Variants in TMEM234 observed in about 807,000 individuals in gnomAD.
TMEM234 encodes the protein transmembrane protein 234.
A neutral mutation model predicts 17.8 loss-of-function variants in TMEM234; 21 were observed. The observed-to-expected ratio is 1.18, with a 90% CI of 0.84 to 1.70. The LOEUF (loss-of-function observed/expected upper bound fraction) is 1.70, where lower values mean the gene tolerates loss of function less well. TMEM234 is among the 40% of genes most tolerant of loss of function. The pLI is 0.00. For synonymous variants in TMEM234, 83 were observed against 73.5 expected (o/e 1.13, Z -0.66); for missense variants, 137 against 166.9 (o/e 0.82, Z 0.99).
At chr1:32,215,081 G>A, downstream of TMEM234, 1 of 1,164,490 alleles carries the variant, frequency 8.6e-7, no homozygotes, top group Non-Finnish European at 1.2e-6. Flanking sequence ...AAAGGAGTCT[G>A]AACCTACTGT....
chr1:32,221,069 C>A, intron 3 of TMEM234, 62 bp downstream of exon 3: 1 of 1,428,068 alleles, frequency 7.0e-7, no homozygotes, highest in South Asian at 1.2e-5. Context: ...ACCCCGCCCC[C>A]CCCAATCACT....
At chr1:32,215,758 C>A, downstream of TMEM234, 1 of 1,448,872 alleles carries the variant, frequency 6.9e-7, no homozygotes, top group Non-Finnish European at 9.4e-7. Flanking sequence ...TGGAGGCTGG[C>A]CATACTCACG....
Position 32,221,902 on chromosome 1 carries a change from G to C in TMEM234, c.133C>G (p.Leu45Val). Residue 45 changes from leucine to valine, a missense_variant, in exon 2 of 5, where the codon CTA becomes GTA. Transcript: ENST00000309777. ...VHEPTWAQQL[L>V]QEMKTLFLNT... is the part of the protein sequence containing the mutation. Reference sequence around the variant, plus strand: ...AAGAAGAGGGTCTTCATCTCCTGTAGCAACTGCTGGGCCCAGGTCGGCTCA... The same window carrying C: ...AAGAAGAGGGTCTTCATCTCCTGTACCAACTGCTGGGCCCAGGTCGGCTCA... 1 of 1,613,210 alleles carries C rather than the reference G, an allele frequency of 6.2e-7. No individual in the cohort carries two copies. The highest frequency in any genetic ancestry group is 8.5e-7 in the Non-Finnish European group (1 of 1,179,962).
intron 4 of TMEM234, 66 bp downstream of exon 4, chr1:32,217,193 A>C (rs771434595): frequency 5.0e-6 from 8 of 1,613,772 alleles, no homozygotes; most frequent in Middle Eastern, 1.6e-4. Flanking sequence ...GGTTCTGGGA[A>C]GGAACTAACA....
At chr1:32,215,765 C>A, downstream of TMEM234, 3 of 1,478,816 alleles carry the variant, frequency 2.0e-6, no homozygotes, top group East Asian at 2.5e-5. Context: ...TGGCCATACT[C>A]ACGGCTCCAT....
chr1:32,216,873 C>T lies in TMEM234; in HGVS notation c.403G>A (p.Gly135Arg), dbSNP rs777231202. The T allele has an allele frequency of 1.2e-6, 2 of 1,614,152 alleles. No homozygotes were observed. The highest frequency in any genetic ancestry group is 2.2e-5 in the South Asian group (2 of 91,080). ...CCCACTCAAAGGGTAGACTGTTGCC[C>T]CTGGGTCTTACTCACTGAGCTTGTG... ...CITSSVSKTQ[G>R]QQSTL Residue 135 changes from glycine (G) to arginine (R), a missense_variant, in exon 5 of 5, where the codon GGG becomes AGG. Coordinates refer to ENST00000309777, the MANE Select transcript of TMEM234 (RefSeq NM_019118.5).
intron 3 of TMEM234, 107 bp from the exon 4 acceptor site, chr1:32,217,458 C>A (rs569547632): frequency 1.3e-6 from 2 of 1,560,692 alleles, no homozygotes; most frequent in Non-Finnish European, 1.7e-6. Context: ...GTATCAAAAC[C>A]CCATCTTCCA....
intron 2 of TMEM234, 109 bp from the exon 3 acceptor site, chr1:32,221,306 A>G: frequency 1.2e-6 from 1 of 810,572 alleles, no homozygotes; most frequent in Non-Finnish European, 2.1e-6. Context: ...GGTTATAAGG[A>G]CCCAGAGAAC....
Position 32,217,256 on chromosome 1 carries a change from T to C in TMEM234, c.328+3A>G, listed in dbSNP as rs1455099620. 1 of 1,614,194 alleles carries C rather than the reference T, an allele frequency of 6.2e-7. No individual in the cohort carries two copies. The highest frequency in any genetic ancestry group is 2.2e-5 in the East Asian group (1 of 44,890). On this transcript the variant is annotated splice_donor_region_variant and intron_variant, in intron 4 of 4. Coordinates refer to ENST00000309777, the MANE Select transcript of TMEM234 (RefSeq NM_019118.5). ...GTCCCGCACTCGCAGTAGTCTAACT[T>C]ACGTTTTCCACCAATATCTTCTCCA... is the stretch of plus-strand genomic sequence containing the variant.
At chr1:32,215,850 G>A, downstream of TMEM234, 1 of 1,552,966 alleles carries the variant, frequency 6.4e-7, no homozygotes, top group Non-Finnish European at 8.7e-7. Context: ...AAACCAGCCT[G>A]GGGCTGGGGC....
At chr1:32,217,424 C>G in intron 3 of TMEM234, 73 bp from the exon 4 acceptor site, 1 of 1,587,314 alleles carries the variant, frequency 6.3e-7, no homozygotes, top group South Asian at 1.1e-5. Flanking sequence ...CTTCCATCAT[C>G]ATCATTTCAT....
At chr1:32,218,426 C>CA (rs1035964170) in intron 3 of TMEM234, among the ~76,000 whole-genome samples, 49 of 143,972 alleles carry the variant, frequency 3.4e-4, no homozygotes, top group Non-Finnish European at 4.4e-4. Context: ...AACTCTGTCT[C>CA]AAAAAAAAAA....
downstream of TMEM234, chr1:32,214,748 G>A (rs1638248198): frequency 1.2e-6 from 2 of 1,609,578 alleles, no homozygotes; most frequent in South Asian, 1.1e-5. Flanking sequence ...GAGTAGGAAA[G>A]GTAAGAATGG....
Position 32,222,298 on chromosome 1 carries a change from G to C in TMEM234, c.16+9C>G, listed in dbSNP as rs202079863. ...GGAAATCCATGGAAGGGCGGGGCCG[G>C]CTACCTACCCAGAGACGCCGCCATG... is the stretch of plus-strand genomic sequence containing the variant. On this transcript the variant is annotated intron_variant, in intron 1 of 4. Transcript: ENST00000309777. 27 of 1,550,956 alleles carry C rather than the reference G, an allele frequency of 1.7e-5. No individual in the cohort carries two copies. The East Asian group carries it at 4.3e-4, about 25-fold the overall frequency.
downstream of TMEM234, chr1:32,215,646 A>G: frequency 8.5e-7 from 1 of 1,170,964 alleles, no homozygotes; most frequent in Non-Finnish European, 1.2e-6. Context: ...CTTGTGATTG[A>G]AAGTAAATGA....
At chr1:32,216,090 C>T (rs987826593), downstream of TMEM234, 58 of 687,034 alleles carry the variant, frequency 8.4e-5, no homozygotes, top group Non-Finnish European at 1.2e-4. Context: ...GCAGAGCAGC[C>T]CTGGCTGTGG....
rs1638872138 is a variant in TMEM234, at chr1:32,221,193, A to G, written c.173T>C (p.Leu58Pro). 5.0e-6 allele frequency: 8 copies of G among 1,613,222 alleles called. No homozygotes were observed. Among genetic ancestry groups the G allele is most frequent in the East Asian group, 2.2e-5 (1 of 44,886 alleles). ...MKTLFLNTEY[L>P]MPFLLNQCGS... The stretch of plus-strand genomic sequence containing the variant: ...ACACTGGTTGAGGAGAAAGGGCATC[A>G]GGTACTGGAAAGAGGAGAAACCTGC... Residue 58 changes from leucine to proline, a missense_variant, in exon 3 of 5, where the codon CTG (leucine) becomes CCG (proline). Coordinates refer to ENST00000309777, the MANE Select transcript of TMEM234 (RefSeq NM_019118.5).
At chr1:32,216,136 A>G, downstream of TMEM234, 1 of 680,214 alleles carries the variant, frequency 1.5e-6, no homozygotes, top group Non-Finnish European at 2.4e-6. Context: ...GGCCAGAGAA[A>G]GGAGTAGCTG....
In TMEM234 at chr1:32,222,313, A is replaced by G. The variant is rs143946310; in HGVS notation, c.10T>C (p.Ser4Pro). Reference protein sequence around the residue: MAASLGQVLALVLV... With the variant: MAAPLGQVLALVLV... ...GGCGGGGCCGGCTACCTACCCAGAGACGCCGCCATGGCAACGCCGCTGTCT... is the reference window on the plus strand; with the variant it reads ...GGCGGGGCCGGCTACCTACCCAGAGGCGCCGCCATGGCAACGCCGCTGTCT... The change falls in exon 1 of 5, where the codon TCT (serine) becomes CCT (proline). Residue 4 changes from serine (S) to proline (P), a missense_variant. Coordinates refer to ENST00000309777, the MANE Select transcript of TMEM234 (RefSeq NM_019118.5). 2 of 1,561,672 alleles carry G rather than the reference A, an allele frequency of 1.3e-6. No individual in the cohort carries two copies. The highest frequency in any genetic ancestry group is 2.7e-5 in the African/African-American group (2 of 72,984).
Sources: allele counts gnomAD v4.1 joint callset (sites outside exome capture counted in the v4.1 genomes callset), GRCh38; gene constraint gnomAD v4.1.1; transcripts MANE v1.5; gene names NCBI Gene and HGNC (gene_info 2026-07-23, HGNC 2026-07-21).